Variants in CACNB2 observed in about 807,000 individuals in gnomAD.
CACNB2 encodes calcium voltage-gated channel auxiliary subunit beta 2, also known as voltage-dependent L-type calcium channel subunit beta-2.
A neutral mutation model predicts 73.3 loss-of-function variants in CACNB2; 42 were observed. The observed-to-expected ratio is 0.57, with a 90% CI of 0.45 to 0.74. CACNB2 has a LOEUF of 0.74. CACNB2 is among the 30% of genes least tolerant of loss of function. CACNB2 has a pLI of 0.00. For missense variants in CACNB2, 940 were observed against 853.0 expected (o/e 1.10, Z -1.27); for synonymous variants, 348 against 310.3 (o/e 1.12, Z -1.28).
chr10:18,399,745 C>G, intron 2 of CACNB2, among the ~76,000 whole-genome samples: 1 of 151,848 alleles, frequency 6.6e-6, no homozygotes, highest in East Asian at 1.9e-4. Context: ...AAAATATTCT[C>G]CCACCACACT....
chr10:18,220,226 T>TAG (rs1275395034), intron 2 of CACNB2, among the ~76,000 whole-genome samples: 6 of 45,662 alleles, frequency 1.3e-4, no homozygotes, highest in African/African-American at 2.0e-4. Context: ...TATATATATA[T>TAG]ATATATAGAG....
intron 2 of CACNB2, among the ~76,000 whole-genome samples, chr10:18,380,452 C>CT (rs757792853): frequency 0.39 from 43,719 of 111,100 alleles, 9,427 homozygotes; most frequent in East Asian, 0.49. Flanking sequence ...ATGTGTTTTT[C>CT]TTTTTTTTTT....
chr10:18,297,125 T>C (rs2039311774), intron 2 of CACNB2, among the ~76,000 whole-genome samples: 1 of 152,260 alleles, frequency 6.6e-6, no homozygotes, highest in Non-Finnish European at 1.5e-5. Flanking sequence ...TTGTATCTAC[T>C]AGACACCATG....
intron 2 of CACNB2, chr10:18,400,748 G>A (rs941280515): frequency 6.0e-6 from 8 of 1,338,100 alleles, no homozygotes; most frequent in Non-Finnish European, 7.7e-6. Context: ...TTTAGAACGA[G>A]TTGATGCTCG....
chr10:18,236,839 C>A (rs963208140), intron 2 of CACNB2, among the ~76,000 whole-genome samples: 3 of 152,106 alleles, frequency 2.0e-5, no homozygotes, highest in African/African-American at 7.2e-5. Flanking sequence ...GCAGTCTGAG[C>A]CTCCTCTCGG....
intron 13 of CACNB2, 135 bp downstream of exon 13, chr10:18,538,500 G>C: frequency 1.4e-6 from 1 of 731,562 alleles, no homozygotes; most frequent in Middle Eastern, 3.8e-4. Flanking sequence ...AGCAAGTCCA[G>C]CATGAGCTGT....
chr10:18,205,011 C>T (rs2035032193), intron 2 of CACNB2, among the ~76,000 whole-genome samples: 2 of 150,780 alleles, frequency 1.3e-5, no homozygotes, highest in Non-Finnish European at 2.9e-5. Flanking sequence ...CTTTCATGCC[C>T]AAGACTCTAT....
chr10:18,439,703 A>G (rs1003892514), intron 3 of CACNB2, among the ~76,000 whole-genome samples: 1 of 152,184 alleles, frequency 6.6e-6, no homozygotes, highest in Non-Finnish European at 1.5e-5. Flanking sequence ...AATCAGCTTA[A>G]TTATTTGTCA....
chr10:18,406,122 C>T (rs1428164794), intron 3 of CACNB2, among the ~76,000 whole-genome samples: 2 of 152,148 alleles, frequency 1.3e-5, no homozygotes, highest in East Asian at 3.9e-4. Context: ...AAGGCCGGAG[C>T]CACAAAGAAG....
intron 10 of CACNB2, 135 bp downstream of exon 10, chr10:18,527,832 C>A: frequency 1.4e-6 from 1 of 699,724 alleles, no homozygotes; most frequent in Non-Finnish European, 2.6e-6. Context: ...GTCGCTGTTG[C>A]TATGGTCTTA....
intron 2 of CACNB2, among the ~76,000 whole-genome samples, chr10:18,353,403 C>T (rs1304680688): frequency 8.0e-6 from 1 of 124,958 alleles, no homozygotes; most frequent in African/African-American, 3.2e-5. Flanking sequence ...GAGCAAGACT[C>T]TGTCTCCAAA....
At chr10:18,177,170 C>T (rs149122585) in intron 2 of CACNB2, among the ~76,000 whole-genome samples, 1 of 152,240 alleles carries the variant, frequency 6.6e-6, no homozygotes, top group East Asian at 1.9e-4. Flanking sequence ...TGTGCATATA[C>T]ATGTAGTAAA....
chr10:18,352,839 A>G (rs886873599), intron 2 of CACNB2, among the ~76,000 whole-genome samples: 12 of 152,224 alleles, frequency 7.9e-5, no homozygotes, highest in African/African-American at 2.7e-4. Context: ...GAAGGAACAT[A>G]TATGTTTGTA....
intron 2 of CACNB2, among the ~76,000 whole-genome samples, chr10:18,270,877 T>G (rs892855576): frequency 6.6e-5 from 10 of 152,180 alleles, no homozygotes; most frequent in African/African-American, 2.2e-4. Flanking sequence ...TGACAGACAC[T>G]CAAGACGTAA....
chr10:18,199,194 A>G (rs952997106), intron 2 of CACNB2, among the ~76,000 whole-genome samples: 3 of 152,318 alleles, frequency 2.0e-5, no homozygotes, highest in Admixed American at 6.5e-5. Context: ...TAGTACAAAC[A>G]TTTACTGAGA....
At chr10:18,524,481 C>T (rs191163405) in intron 9 of CACNB2, among the ~76,000 whole-genome samples, 5 of 151,144 alleles carry the variant, frequency 3.3e-5, no homozygotes, top group East Asian at 2.0e-4. Context: ...CATGGTGATA[C>T]CTGTTTCTAC....
chr10:18,311,600 A>G (rs1202161265), intron 2 of CACNB2, among the ~76,000 whole-genome samples: 3 of 152,200 alleles, frequency 2.0e-5, no homozygotes, highest in Admixed American at 1.3e-4. Context: ...AAAGATGTTA[A>G]AAAAATTATA....
At chr10:18,202,295 T>A (rs1399836130) in intron 2 of CACNB2, among the ~76,000 whole-genome samples, 1 of 152,220 alleles carries the variant, frequency 6.6e-6, no homozygotes, top group African/African-American at 2.4e-5. Context: ...GGTTATCTTA[T>A]GTGATTTGGA....
chr10:18,220,216 T>G (rs1301250491), intron 2 of CACNB2, among the ~76,000 whole-genome samples: 613 of 44,680 alleles, frequency 0.014, 22 homozygotes, highest in African/African-American at 0.024. Flanking sequence ...TATATATATA[T>G]ATATATATAT....
Sources: allele counts gnomAD v4.1 joint callset (sites outside exome capture counted in the v4.1 genomes callset), GRCh38; gene constraint gnomAD v4.1.1; transcripts MANE v1.5; gene names NCBI Gene and HGNC (gene_info 2026-07-23, HGNC 2026-07-21).